The following FARS2 variants were observed in gnomAD, a reference collection of about 807,000 sequenced individuals.
FARS2 encodes the protein phenylalanyl-tRNA synthetase 2, mitochondrial.
In FARS2, 40 loss-of-function variants were observed where a neutral mutation model predicts 46.4. The ratio of observed to expected loss-of-function variants is 0.86; its 90% CI spans 0.67 to 1.12. The LOEUF (loss-of-function observed/expected upper bound fraction) is 1.12. Among genes scored for constraint, FARS2 ranks in the 50% most tolerant of loss-of-function variants. The pLI is 0.00. For synonymous variants in FARS2, 234 were observed against 214.9 expected (o/e 1.09, Z -0.78); for missense variants, 513 against 567.9 (o/e 0.90, Z 0.98).
At chr6:5,711,312 A>G (rs1759140969) in intron 6 of FARS2, among the ~76,000 whole-genome samples, 1 of 152,162 alleles carries the variant, frequency 6.6e-6, no homozygotes, top group Non-Finnish European at 1.5e-5. Context: ...GAATGAATGA[A>G]TGAATGAAGA....
chr6:5,353,320 G>A (rs1757692661), intron 1 of FARS2, among the ~76,000 whole-genome samples: 1 of 152,088 alleles, frequency 6.6e-6, no homozygotes, highest in Admixed American at 6.5e-5. Context: ...TACTTGAGTC[G>A]ATTCCATTTT....
chr6:5,707,735 G>A (rs956642379), intron 6 of FARS2, among the ~76,000 whole-genome samples: 1 of 152,210 alleles, frequency 6.6e-6, no homozygotes, highest in Non-Finnish European at 1.5e-5. Flanking sequence ...CCAGTGTGGA[G>A]CAGCCACGTC....
intron 6 of FARS2, among the ~76,000 whole-genome samples, chr6:5,741,592 C>T (rs1235137444): frequency 1.3e-5 from 2 of 152,206 alleles, no homozygotes; most frequent in East Asian, 1.9e-4. Flanking sequence ...GCACCAGCAG[C>T]CAGGCTTGCA....
intron 6 of FARS2, among the ~76,000 whole-genome samples, chr6:5,725,854 G>A (rs1235153831): frequency 1.3e-5 from 2 of 152,186 alleles, no homozygotes; most frequent in Non-Finnish European, 2.9e-5. Flanking sequence ...AGAATCGCTT[G>A]AACCAGAGAG....
chr6:5,402,904 C>T (rs1761345689), intron 2 of FARS2, among the ~76,000 whole-genome samples: 1 of 152,112 alleles, frequency 6.6e-6, no homozygotes, highest in African/African-American at 2.4e-5. Context: ...ACCTTAGCAC[C>T]TCACTCATTC....
At position 5,610,306 on chromosome 6, in the gene FARS2, C is replaced by CTT. The variant is rs111436766; in HGVS notation, c.1066-2859_1066-2858dup. On this transcript the variant is annotated intron_variant, in intron 5 of 6. Coordinates refer to ENST00000274680, the MANE Select transcript of FARS2 (RefSeq NM_006567.5). ...TGTAGTTTTGATGCCCTTTTCAATT[C>CTT]TTTTTAAAAAAAAAAAAAAAGAATT... The CTT allele has an allele frequency of 7.8e-4, 226 of 290,626 alleles. 3 individuals are homozygous for CTT. Among genetic ancestry groups the CTT allele is most frequent in the Middle Eastern group, 4.1e-3 (4 of 966 alleles). The allele number at this position is 290,626 out of a possible 1,614,324, so 18.0% of individuals were successfully genotyped here. A position where few individuals can be genotyped will look rare whatever the true frequency, so the allele number is the denominator to read the frequency against.
intron 4 of FARS2, among the ~76,000 whole-genome samples, chr6:5,502,362 C>T (rs763815396): frequency 1.3e-5 from 2 of 152,186 alleles, no homozygotes; most frequent in African/African-American, 4.8e-5. Context: ...ATAGGGTATA[C>T]ATCTGAAGTT....
At chr6:5,331,711 C>T (rs1284021855) in intron 1 of FARS2, among the ~76,000 whole-genome samples, 2 of 152,106 alleles carry the variant, frequency 1.3e-5, no homozygotes, top group Admixed American at 6.6e-5. Flanking sequence ...CAGAATGGGA[C>T]TAAAAACAAT....
At chr6:5,385,716 G>A (rs1256670758) in intron 2 of FARS2, among the ~76,000 whole-genome samples, 3 of 152,110 alleles carry the variant, frequency 2.0e-5, no homozygotes, top group South Asian at 2.1e-4. Flanking sequence ...GAGCCACCAC[G>A]CCCAGCTGGG....
At chr6:5,586,966 G>A (rs147028494) in intron 5 of FARS2, among the ~76,000 whole-genome samples, 11 of 152,178 alleles carry the variant, frequency 7.2e-5, no homozygotes, top group South Asian at 6.2e-4. Context: ...CAAAATGTGT[G>A]GCTAATGGAA....
At chr6:5,449,624 TG>T (rs1764372178) in intron 4 of FARS2, among the ~76,000 whole-genome samples, 1 of 152,200 alleles carries the variant, frequency 6.6e-6, no homozygotes, top group African/African-American at 2.4e-5. Flanking sequence ...GCTGAATACC[TG>T]GTAGTACAGA....
chr6:5,524,305 G>A (rs919995314), intron 4 of FARS2, among the ~76,000 whole-genome samples: 8 of 152,240 alleles, frequency 5.3e-5, no homozygotes, highest in African/African-American at 1.9e-4. Flanking sequence ...GAGGAACTGT[G>A]AGGGCACTGA....
chr6:5,320,268 A>G lies in FARS2; in HGVS notation c.-21-48282A>G, dbSNP rs1377418986. Reference sequence around the variant, plus strand: ...GCTCGTCTAACAGATGGATCTCCCTAACGATCTGCTGCTCTCCAGAGAGAT... The same window carrying G: ...GCTCGTCTAACAGATGGATCTCCCTGACGATCTGCTGCTCTCCAGAGAGAT... On this transcript the variant is annotated intron_variant, in intron 1 of 6. Coordinates refer to ENST00000274680, the MANE Select transcript of FARS2 (RefSeq NM_006567.5). 4.0e-5 allele frequency among the ~76,000 whole-genome samples: 6 copies of G among 151,578 alleles called. No individual in the cohort carries two copies. The East Asian group carries it at 9.7e-4, about 25-fold the overall frequency.
chr6:5,522,141 A>G lies in FARS2; in HGVS notation c.905-23039A>G, dbSNP rs1769181761. Among the ~76,000 whole-genome samples, 3 of 152,334 alleles carry G rather than the reference A, an allele frequency of 2.0e-5. No individual in the cohort carries two copies. The South Asian group carries it at 6.2e-4, about 32-fold the overall frequency. On this transcript the variant is annotated intron_variant, in intron 4 of 6. Transcript: ENST00000274680. ...TTCATTGACACTTTATTTCTCAGTC[A>G]GAGAGAGACCAGTGTGGAGTCCACC...
chr6:5,657,790 C>T (rs1319105031), intron 6 of FARS2, among the ~76,000 whole-genome samples: 2 of 152,202 alleles, frequency 1.3e-5, no homozygotes, highest in African/African-American at 4.8e-5. Flanking sequence ...CCGTTATGGT[C>T]AGTAGTTTAT....
upstream of FARS2, among the ~76,000 whole-genome samples, chr6:5,259,838 CAG>C (rs998674932): frequency 2.0e-5 from 3 of 151,962 alleles, no homozygotes; most frequent in African/African-American, 7.3e-5. Context: ...AAAAAAAATG[CAG>C]AGAGAGAATC....
At chr6:5,494,346 G>A (rs559956760) in intron 4 of FARS2, among the ~76,000 whole-genome samples, 30 of 152,262 alleles carry the variant, frequency 2.0e-4, no homozygotes, top group South Asian at 6.2e-4. Flanking sequence ...GGCGGAGAAC[G>A]CTCAGGAGGC....
At chr6:5,521,231 A>G (rs1317189636) in intron 4 of FARS2, among the ~76,000 whole-genome samples, 1 of 152,100 alleles carries the variant, frequency 6.6e-6, no homozygotes, top group Non-Finnish European at 1.5e-5. Context: ...TTTATGTAAG[A>G]TTTAGGTTTT....
intron 5 of FARS2, among the ~76,000 whole-genome samples, chr6:5,595,329 G>T (rs137950763): frequency 6.6e-6 from 1 of 152,076 alleles, no homozygotes; most frequent in African/African-American, 2.4e-5. Context: ...TGTACCTAAG[G>T]GGAAATGACG....
Sources: gnomAD v4.1 joint callset for allele counts (sites outside exome capture counted in the v4.1 genomes callset) on GRCh38, gnomAD v4.1.1 for gene constraint, MANE v1.5 for transcripts, NCBI Gene and HGNC (gene_info 2026-07-23, HGNC 2026-07-21) for gene names.